The following GRAMD1B variants were observed in gnomAD, a reference collection of about 807,000 sequenced individuals.
GRAMD1B encodes the protein protein Aster-B.
GRAMD1B carries 37 observed loss-of-function variants against 99.7 expected under a neutral mutation model. The observed-to-expected ratio is 0.37, with a 90% CI of 0.29 to 0.49. GRAMD1B has a LOEUF of 0.49. Ranked by LOEUF, GRAMD1B falls within the 20% of genes least tolerant of loss-of-function variation. The probability of loss-of-function intolerance (pLI) is 0.98; values close to 1 mark genes in which losing one functional copy is unlikely to be tolerated. For synonymous variants in GRAMD1B, 427 were observed against 387.6 expected, an observed-to-expected ratio of 1.10 and a Z score of -1.19; for missense variants, 888 against 1,009.2, an observed-to-expected ratio of 0.88 and a Z score of 1.63.
intron 1 of GRAMD1B, among the ~76,000 whole-genome samples, chr11:123,403,162 C>T (rs1295485230): frequency 9.2e-5 from 14 of 151,992 alleles, no homozygotes; most frequent in African/African-American, 2.9e-4. Context: ...CGGAGGCTCA[C>T]GCCTGTAATC....
intron 2 of GRAMD1B, among the ~76,000 whole-genome samples, chr11:123,533,393 A>G (rs1404312653): frequency 6.6e-6 from 1 of 152,012 alleles, no homozygotes; most frequent in African/African-American, 2.4e-5. Context: ...CTAACATTTA[A>G]TTCACTCTAT....
At position 123,577,394 on chromosome 11, in the gene GRAMD1B, G is replaced by T; in HGVS notation, c.480G>T (p.Thr160=). ...CTGCCAGTAACTCCAACCGCAGCAC[G>T]CCGGCCTGCTCGCCCATCCTCCGGA... ...ESTASNSNRS[T]PACSPILRKR... Residue 160 remains threonine, a synonymous_variant, in exon 3 of 20, where the codon ACG becomes ACT. Transcript: ENST00000635736. 6.3e-7 allele frequency: 1 copy of T among 1,592,642 alleles called. No individual in the cohort carries two copies. Among genetic ancestry groups the T allele is most frequent in the South Asian group, 1.1e-5 (1 of 87,398 alleles).
At chr11:123,565,882 C>T (rs189852088) in intron 2 of GRAMD1B, among the ~76,000 whole-genome samples, 13 of 152,342 alleles carry the variant, frequency 8.5e-5, no homozygotes, top group Admixed American at 7.8e-4. Context: ...AATTATACAA[C>T]ACCAGTAAGT....
At chr11:123,560,191 G>T in intron 2 of GRAMD1B, 2 of 1,029,716 alleles carry the variant, frequency 1.9e-6, no homozygotes, top group Non-Finnish European at 2.3e-6. Flanking sequence ...GCGTGTGTGC[G>T]CGTGTGCGTG....
At chr11:123,392,991 T>C (rs1319525990) in intron 1 of GRAMD1B, among the ~76,000 whole-genome samples, 1 of 152,238 alleles carries the variant, frequency 6.6e-6, no homozygotes, top group Non-Finnish European at 1.5e-5. Context: ...CAGTCATTGA[T>C]AAGATTGTTG....
intron 3 of GRAMD1B, among the ~76,000 whole-genome samples, chr11:123,581,752 G>T (rs912872627): frequency 6.6e-6 from 1 of 152,324 alleles, no homozygotes; most frequent in East Asian, 1.9e-4. Flanking sequence ...GCAAACATTA[G>T]ATATAAGAGC....
At chr11:123,397,394 G>A (rs1457621290) in intron 1 of GRAMD1B, among the ~76,000 whole-genome samples, 4 of 147,072 alleles carry the variant, frequency 2.7e-5, no homozygotes, top group Non-Finnish European at 5.9e-5. Flanking sequence ...GTGACAGAGC[G>A]AGACTCTGTC....
At chr11:123,599,348 G>T in intron 7 of GRAMD1B, 1 of 696,680 alleles carries the variant, frequency 1.4e-6, no homozygotes, top group Non-Finnish European at 2.7e-6. Flanking sequence ...AATTGATCTG[G>T]TCCCAGAGCA....
intron 2 of GRAMD1B, among the ~76,000 whole-genome samples, chr11:123,549,475 GA>G (rs1945403332): frequency 6.6e-6 from 1 of 152,110 alleles, no homozygotes; most frequent in Non-Finnish European, 1.5e-5. Context: ...CTGGGAGGCA[GA>G]GCTTGCAGTG....
chr11:123,542,086 A>G lies in GRAMD1B; in HGVS notation c.453-35281A>G, dbSNP rs146427067. On this transcript the variant is annotated intron_variant, in intron 2 of 19. Coordinates refer to ENST00000635736, the MANE Select transcript of GRAMD1B (RefSeq NM_001387025.1). ...TTTCTAAAATCAGCCACTTTATTTT[A>G]TGCCAGCTATGTATTTCCTAGTACC... Among the ~76,000 whole-genome samples, 56 of 152,314 alleles carry G rather than the reference A, an allele frequency of 3.7e-4. No homozygotes were observed. In the East Asian group the frequency reaches 4.4e-3, roughly 12 times the overall value.
At chr11:123,414,198 C>G (rs958230047) in intron 1 of GRAMD1B, among the ~76,000 whole-genome samples, 1 of 152,108 alleles carries the variant, frequency 6.6e-6, no homozygotes, top group African/African-American at 2.4e-5. Flanking sequence ...GTGCGTACCA[C>G]CATGCCTGGC....
At chr11:123,532,650 C>A (rs1286906209) in intron 2 of GRAMD1B, among the ~76,000 whole-genome samples, 3 of 152,178 alleles carry the variant, frequency 2.0e-5, no homozygotes, top group Non-Finnish European at 2.9e-5. Context: ...AGCCAACAGG[C>A]CAAATTCGGT....
chr11:123,439,154 C>T (rs541823976), intron 1 of GRAMD1B, among the ~76,000 whole-genome samples: 1 of 152,350 alleles, frequency 6.6e-6, no homozygotes, highest in East Asian at 1.9e-4. Context: ...AGCTCTTCTC[C>T]TGTGACTCTG....
At chr11:123,617,431 C>T (rs980971172) in intron 17 of GRAMD1B, among the ~76,000 whole-genome samples, 8 of 152,126 alleles carry the variant, frequency 5.3e-5, no homozygotes, top group African/African-American at 1.9e-4. Flanking sequence ...TCAAGCAATC[C>T]ACCCACCTTG....
intron 19 of GRAMD1B, 73 bp downstream of exon 19, chr11:123,619,297 G>A: frequency 6.5e-7 from 1 of 1,539,014 alleles, no homozygotes; most frequent in Non-Finnish European, 8.7e-7. Context: ...CTGTGAGAAA[G>A]ATCCTCGTCT....
chr11:123,402,368 T>C (rs1350559179), intron 1 of GRAMD1B, among the ~76,000 whole-genome samples: 1 of 152,178 alleles, frequency 6.6e-6, no homozygotes, highest in African/African-American at 2.4e-5. Flanking sequence ...ATTAGGGGTG[T>C]CCAAATAGCC....
At chr11:123,544,399 T>C (rs569589431) in intron 2 of GRAMD1B, among the ~76,000 whole-genome samples, 1 of 152,336 alleles carries the variant, frequency 6.6e-6, no homozygotes, top group East Asian at 1.9e-4. Flanking sequence ...CCACCTTTCC[T>C]TCCTAACTCT....
chr11:123,407,001 G>A (rs11823332), intron 1 of GRAMD1B, among the ~76,000 whole-genome samples: 1 of 152,166 alleles, frequency 6.6e-6, no homozygotes, highest in Non-Finnish European at 1.5e-5. Context: ...TGGCAGTTTA[G>A]GTTTCTTTTT....
chr11:123,617,306 C>T (rs2137084200), intron 17 of GRAMD1B, among the ~76,000 whole-genome samples: 1 of 152,062 alleles, frequency 6.6e-6, no homozygotes, highest in South Asian at 2.1e-4. Context: ...GCCTCAGCTT[C>T]CCTAGTAGCT....
Sources: gnomAD v4.1 joint callset for allele counts (sites outside exome capture counted in the v4.1 genomes callset) on GRCh38, gnomAD v4.1.1 for gene constraint, MANE v1.5 for transcripts, NCBI Gene and HGNC (gene_info 2026-07-23, HGNC 2026-07-21) for gene names.